AMMECR1: variants seen among roughly 807,000 people sequenced by gnomAD.
AMMECR1 encodes the protein nuclear protein AMMECR1.
AMMECR1 carries 3 observed loss-of-function variants against 22.5 expected under a neutral mutation model. The observed-to-expected ratio is 0.13, with a 90% CI of 0.06 to 0.35. The LOEUF is 0.35. AMMECR1 is among the 10% of genes least tolerant of loss of function. The pLI, the probability that AMMECR1 is intolerant of heterozygous loss-of-function variation, is 1.00. For synonymous variants in AMMECR1, 130 were observed against 116.7 expected (o/e 1.11, Z -0.74); for missense variants, 235 against 278.7 (o/e 0.84, Z 1.12).
At chrX:110,352,243 C>A (rs1051676620) in intron 2 of AMMECR1, among the ~76,000 whole-genome samples, 4 of 111,887 alleles carry the variant, frequency 3.6e-5, no homozygotes, top group African/African-American at 1.3e-4. Context: ...AATGAAAATA[C>A]ATGTTCACAC....
intron 2 of AMMECR1, among the ~76,000 whole-genome samples, chrX:110,247,123 C>A (rs911051573): frequency 4.4e-5 from 5 of 112,535 alleles, no homozygotes; most frequent in African/African-American, 1.6e-4. Flanking sequence ...TTCTCTTCAA[C>A]TACATCATTA....
At chrX:110,230,762 G>A (rs1037837825) in intron 2 of AMMECR1, among the ~76,000 whole-genome samples, 3 of 111,549 alleles carry the variant, frequency 2.7e-5, no homozygotes, top group Admixed American at 1.9e-4. Flanking sequence ...CAAACTCATC[G>A]CAAGGAAGCT....
At chrX:110,341,821 G>A (rs2068165479) in intron 2 of AMMECR1, among the ~76,000 whole-genome samples, 1 of 112,467 alleles carries the variant, frequency 8.9e-6, no homozygotes, top group African/African-American at 3.2e-5. Context: ...TCCCAACACT[G>A]GGAGGACGAG....
At chrX:110,406,429 C>T (rs145380941) in intron 2 of AMMECR1, among the ~76,000 whole-genome samples, 1,398 of 111,783 alleles carry the variant, frequency 0.013, 19 homozygotes, top group African/African-American at 0.042. Context: ...CTGCAAAGGA[C>T]GTGAACTCAT....
intron 2 of AMMECR1, among the ~76,000 whole-genome samples, chrX:110,335,412 A>G (rs1366081689): frequency 3.6e-5 from 4 of 111,702 alleles, no homozygotes; most frequent in African/African-American, 1.3e-4. Context: ...ATTCCTCACT[A>G]CAGGGCAGGA....
chrX:110,270,299 A>G (rs949141441), intron 1 of AMMECR1, among the ~76,000 whole-genome samples: 1 of 111,896 alleles, frequency 8.9e-6, no homozygotes, highest in Non-Finnish European at 1.9e-5. Context: ...AGTGTATATA[A>G]CAATGTATCT....
chrX:110,219,812 T>C (rs1393635329), intron 2 of AMMECR1, among the ~76,000 whole-genome samples: 1 of 112,308 alleles, frequency 8.9e-6, no homozygotes, highest in African/African-American at 3.2e-5. Context: ...CTTTTGATTC[T>C]TGCATTTTTT....
At chrX:110,251,172 ATG>A (rs956294136) in intron 2 of AMMECR1, among the ~76,000 whole-genome samples, 1 of 112,578 alleles carries the variant, frequency 8.9e-6, no homozygotes, top group Non-Finnish European at 1.9e-5. Flanking sequence ...GTTTGCTTTG[ATG>A]TTGCTTGGTA....
At chrX:110,378,716 A>G (rs1306961011) in intron 2 of AMMECR1, among the ~76,000 whole-genome samples, 1 of 111,775 alleles carries the variant, frequency 8.9e-6, no homozygotes, top group East Asian at 2.8e-4. Flanking sequence ...CAGCCTATTC[A>G]TTCTTTAATG....
chrX:110,235,786 C>G (rs138132372), intron 2 of AMMECR1, among the ~76,000 whole-genome samples: 2,152 of 110,721 alleles, frequency 0.019, 63 homozygotes, highest in African/African-American at 0.068. Flanking sequence ...ACACAGGGTG[C>G]GGGACATCAC....
intron 2 of AMMECR1, among the ~76,000 whole-genome samples, chrX:110,342,174 G>A (rs183044798): frequency 5.3e-4 from 59 of 110,989 alleles, no homozygotes; most frequent in Non-Finnish European, 1.0e-3. Context: ...TCTCTATATT[G>A]CCTAATTTAT....
At chrX:110,377,248 G>A (rs746200772) in intron 2 of AMMECR1, among the ~76,000 whole-genome samples, 3 of 111,645 alleles carry the variant, frequency 2.7e-5, no homozygotes, top group South Asian at 3.8e-4. Context: ...GCCCAGTAGC[G>A]CTATATGCAT....
At chrX:110,234,399 C>T (rs1230798935) in intron 2 of AMMECR1, among the ~76,000 whole-genome samples, 2 of 112,127 alleles carry the variant, frequency 1.8e-5, no homozygotes, top group African/African-American at 3.2e-5. Context: ...AATGGCCATA[C>T]TGCCCAAAGT....
At chrX:110,287,604 T>A (rs1326219322) in intron 1 of AMMECR1, among the ~76,000 whole-genome samples, 1 of 112,015 alleles carries the variant, frequency 8.9e-6, no homozygotes, top group African/African-American at 3.2e-5. Flanking sequence ...TATACCTTAA[T>A]CTTCCAAGTT....
chrX:110,339,198 TA>T (rs1391915220), intron 2 of AMMECR1, among the ~76,000 whole-genome samples: 3 of 111,102 alleles, frequency 2.7e-5, no homozygotes, highest in African/African-American at 9.8e-5. Flanking sequence ...TTGCTGAAAG[TA>T]GGCAACTCTC....
At chrX:110,425,397 G>A (rs2068746397) in intron 2 of AMMECR1, among the ~76,000 whole-genome samples, 1 of 112,821 alleles carries the variant, frequency 8.9e-6, no homozygotes, top group Admixed American at 9.3e-5. Context: ...CCTAGAGACA[G>A]CCTGTGTTGC....
chrX:110,219,281 C>T lies in AMMECR1; in HGVS notation c.585-2649G>A, dbSNP rs183840596. Reference sequence around the variant, plus strand: ...AGCAGCAATGTATGAGTTCCAGTTTCTCCACATCCACACCAATATTTGTTG... The same window carrying T: ...AGCAGCAATGTATGAGTTCCAGTTTTTCCACATCCACACCAATATTTGTTG... On this transcript the variant is annotated intron_variant, in intron 2 of 5. Coordinates refer to ENST00000262844, the MANE Select transcript of AMMECR1 (RefSeq NM_015365.3). 6.3e-6 allele frequency: 4 copies of T among 630,965 alleles called. No homozygotes were observed. The African/African-American group carries it at 9.8e-5, about 15-fold the overall frequency. 52.0% of individuals were successfully genotyped at this position (630,965 alleles called of 1,213,427 possible).
At chrX:110,382,784 T>C (rs1313383593) in intron 2 of AMMECR1, among the ~76,000 whole-genome samples, 7 of 111,993 alleles carry the variant, frequency 6.3e-5, no homozygotes, top group Non-Finnish European at 9.4e-5. Flanking sequence ...CCATTTCCAC[T>C]CACGGGGCCA....
At chrX:110,297,175 G>A (rs1267000361) in intron 1 of AMMECR1, among the ~76,000 whole-genome samples, 2 of 111,769 alleles carry the variant, frequency 1.8e-5, no homozygotes, top group African/African-American at 6.5e-5. Flanking sequence ...TTCATCCTTT[G>A]CCAAAAAGCC....
Sources: allele counts gnomAD v4.1 joint callset (sites outside exome capture counted in the v4.1 genomes callset), GRCh38; gene constraint gnomAD v4.1.1; transcripts MANE v1.5; gene names NCBI Gene and HGNC (gene_info 2026-07-23, HGNC 2026-07-21).